Variants in DIAPH2 observed in about 807,000 individuals in gnomAD.
DIAPH2 encodes diaphanous related formin 2.
A neutral mutation model predicts 92.7 loss-of-function variants in DIAPH2; 35 were observed. The observed-to-expected ratio is 0.38, with a 90% CI of 0.29 to 0.50. The LOEUF is 0.50. Ranked by LOEUF, DIAPH2 falls within the 20% of genes least tolerant of loss-of-function variation. The probability of loss-of-function intolerance (pLI) is 0.94; values close to 1 mark genes in which losing one functional copy is unlikely to be tolerated. For missense variants in DIAPH2, 701 were observed against 819.5 expected, an observed-to-expected ratio of 0.86 and a Z score of 1.77; for synonymous variants, 301 against 280.4, an observed-to-expected ratio of 1.07 and a Z score of -0.73.
rs140328902 is a variant in DIAPH2, at chrX:96,924,035, T to C, written c.978+5418T>C. ...TTCTTTCCACAGTGGTTCTTGAGTG[T>C]TGAGATTTTACTGCAAGCATACTTG... is the stretch of plus-strand genomic sequence containing the variant. On this transcript the variant is annotated intron_variant, in intron 9 of 26. Transcript: ENST00000324765. Among the ~76,000 whole-genome samples the C allele has an allele frequency of 4.7e-4, 53 of 112,074 alleles. 1 individual carries two copies. In the East Asian group the frequency reaches 0.012, roughly 24 times the overall value.
chrX:97,368,068 C>A (rs2069400303), intron 24 of DIAPH2, among the ~76,000 whole-genome samples: 1 of 112,472 alleles, frequency 8.9e-6, no homozygotes, highest in Admixed American at 9.4e-5. Context: ...CCTAACCCTT[C>A]AGCAGCTAAC....
intron 22 of DIAPH2, among the ~76,000 whole-genome samples, chrX:97,175,617 T>G (rs1385492872): frequency 1.8e-5 from 2 of 111,807 alleles, no homozygotes; most frequent in African/African-American, 6.5e-5. Flanking sequence ...CCAGCCTGTT[T>G]GGAGATTAAT....
At chrX:96,944,387 T>G (rs1016522422) in intron 13 of DIAPH2, among the ~76,000 whole-genome samples, 25 of 111,890 alleles carry the variant, frequency 2.2e-4, no homozygotes, top group African/African-American at 7.7e-4. Flanking sequence ...TAAGAAAAAC[T>G]ACCCATATTT....
intron 26 of DIAPH2, among the ~76,000 whole-genome samples, chrX:97,516,661 G>A (rs750381328): frequency 8.9e-6 from 1 of 112,032 alleles, no homozygotes; most frequent in Non-Finnish European, 1.9e-5. Context: ...TCTCTTTTCA[G>A]ATAATTGTCT....
At chrX:97,042,958 A>G (rs184786222) in intron 17 of DIAPH2, among the ~76,000 whole-genome samples, 4 of 112,192 alleles carry the variant, frequency 3.6e-5, no homozygotes, top group East Asian at 2.8e-4. Flanking sequence ...ATATGTAGAC[A>G]TGAATACCGA....
chrX:97,374,737 C>T (rs1222095915), intron 24 of DIAPH2, among the ~76,000 whole-genome samples: 2 of 112,020 alleles, frequency 1.8e-5, no homozygotes. Context: ...AAAGGAATAT[C>T]TAATGTTGTT....
chrX:97,256,208 A>G (rs1463942511), intron 23 of DIAPH2, among the ~76,000 whole-genome samples: 2 of 112,475 alleles, frequency 1.8e-5, no homozygotes, highest in African/African-American at 6.4e-5. Flanking sequence ...GAAAGAATAA[A>G]TTACCCAATA....
intron 22 of DIAPH2, among the ~76,000 whole-genome samples, chrX:97,243,688 G>A (rs1210168496): frequency 1.8e-5 from 2 of 111,033 alleles, no homozygotes; most frequent in Non-Finnish European, 3.8e-5. Context: ...TACTTTATCC[G>A]CTTTCCTCAC....
At chrX:97,563,752 C>A (rs1166225114) in intron 26 of DIAPH2, among the ~76,000 whole-genome samples, 3 of 110,593 alleles carry the variant, frequency 2.7e-5, no homozygotes, top group African/African-American at 9.9e-5. Flanking sequence ...AGCTAGGCTG[C>A]ATTCACAGGC....
chrX:97,544,991 A>G (rs925101049), intron 26 of DIAPH2, among the ~76,000 whole-genome samples: 4 of 111,068 alleles, frequency 3.6e-5, no homozygotes, highest in Non-Finnish European at 7.6e-5. Context: ...TCAGCCTCCC[A>G]AAGTGCTGGG....
chrX:97,546,606 C>G (rs965084584), intron 26 of DIAPH2, among the ~76,000 whole-genome samples: 5 of 111,717 alleles, frequency 4.5e-5, no homozygotes, highest in Non-Finnish European at 9.4e-5. Context: ...GAGGCTAAGG[C>G]AGGTGGATCT....
Position 96,893,995 on chromosome X carries a change from A to C in DIAPH2, c.587+12277A>C, listed in dbSNP as rs187018061. On this transcript the variant is annotated intron_variant, in intron 5 of 26. Transcript: ENST00000324765. ...TCACACCAGGCAGTTTAAACCTGGA[A>C]TCTTCTGTTAAGATGGAATCCATGA... is the stretch of plus-strand genomic sequence containing the variant. 6.0e-3 allele frequency among the ~76,000 whole-genome samples: 670 copies of C among 112,409 alleles called. 11 individuals are homozygous for C. Among genetic ancestry groups the C allele is most frequent in the African/African-American group, 0.021 (636 of 31,023 alleles).
chrX:96,993,922 G>A (rs1337213222), intron 17 of DIAPH2, among the ~76,000 whole-genome samples: 1 of 111,690 alleles, frequency 9.0e-6, no homozygotes, highest in Non-Finnish European at 1.9e-5. Flanking sequence ...GTATGATAAA[G>A]TGTCACATCA....
chrX:96,763,164 G>T, intron 4 of DIAPH2: 1 of 903,124 alleles, frequency 1.1e-6, no homozygotes, highest in Non-Finnish European at 1.4e-6. Flanking sequence ...TGAATTTGTG[G>T]TTTTGTAAAT....
At chrX:97,588,996 A>AAT (rs199558439) in intron 26 of DIAPH2, among the ~76,000 whole-genome samples, 835 of 31,692 alleles carry the variant, frequency 0.026, 22 homozygotes, top group Middle Eastern at 0.091. Flanking sequence ...ATATTATAGA[A>AAT]ATATATATAT....
chrX:96,827,304 A>C (rs931446963), intron 4 of DIAPH2, among the ~76,000 whole-genome samples: 2 of 112,305 alleles, frequency 1.8e-5, no homozygotes, highest in Non-Finnish European at 3.8e-5. Flanking sequence ...TCTTATTGCA[A>C]AACACGGGGA....
intron 26 of DIAPH2, among the ~76,000 whole-genome samples, chrX:97,514,364 C>T (rs1450790821): frequency 8.9e-6 from 1 of 112,004 alleles, no homozygotes; most frequent in East Asian, 2.8e-4. Flanking sequence ...GCTCCATCAG[C>T]TCCTTTAAGC....
rs775591368 is a variant in DIAPH2, at chrX:97,131,484, A to G, written c.2590-10181A>G. Among the ~76,000 whole-genome samples, 10 of 111,866 alleles carry G rather than the reference A, an allele frequency of 8.9e-5. No individual in the cohort carries two copies. The South Asian group carries it at 3.7e-3, about 42-fold the overall frequency. On this transcript the variant is annotated intron_variant, in intron 21 of 26. Transcript: ENST00000324765. The stretch of plus-strand genomic sequence containing the variant: ...TAAATGCGATTTATTATTTATCTAC[A>G]GTGTATAGACAGAGCGAATGAGTCC...
At chrX:96,807,014 T>C (rs1295824689) in intron 4 of DIAPH2, among the ~76,000 whole-genome samples, 1 of 112,028 alleles carries the variant, frequency 8.9e-6, no homozygotes, top group Admixed American at 9.4e-5. Flanking sequence ...AGTGTAGGGA[T>C]TACAGGCGTG....
Sources: allele counts gnomAD v4.1 joint callset (sites outside exome capture counted in the v4.1 genomes callset), GRCh38; gene constraint gnomAD v4.1.1; transcripts MANE v1.5; gene names NCBI Gene and HGNC (gene_info 2026-07-23, HGNC 2026-07-21).